Variants in STXBP6 observed in about 807,000 individuals in gnomAD.
STXBP6 encodes the protein syntaxin binding protein 6.
In STXBP6, 21 loss-of-function variants were observed where a neutral mutation model predicts 26.9. The ratio of observed to expected loss-of-function variants is 0.78; its 90% CI spans 0.55 to 1.12. The LOEUF is 1.12. STXBP6 is among the 50% of genes most tolerant of loss of function. The probability of loss-of-function intolerance (pLI) is 0.00; values close to 1 mark genes in which losing one functional copy is unlikely to be tolerated. For synonymous variants in STXBP6, 97 were observed against 92.6 expected, an observed-to-expected ratio of 1.05 and a Z score of -0.27; for missense variants, 232 against 257.9, an observed-to-expected ratio of 0.90 and a Z score of 0.69.
At chr14:24,987,812 A>C (rs1046061967) in intron 1 of STXBP6, 21 of 984,764 alleles carry the variant, frequency 2.1e-5, no homozygotes, top group Non-Finnish European at 2.5e-5. Context: ...GTGTGAACAT[A>C]TTCTTAAAAA....
At position 24,818,973 on chromosome 14, in the gene STXBP6, G is replaced by A. The variant is rs928038955; in HGVS notation, c.609+64C>T. On this transcript the variant is annotated intron_variant, in intron 5 of 5. Transcript: ENST00000323944. ...CATCACAGGAAAATACTGAAATAAA[G>A]TTTCTTGGCACTGTAGCTCCCCAAC... The A allele has an allele frequency of 2.7e-5, 40 of 1,498,274 alleles. 1 individual carries two copies. Among genetic ancestry groups the A allele is most frequent in the Non-Finnish European group, 2.9e-5 (33 of 1,122,000 alleles). The allele number at this position is 1,498,274 out of a possible 1,614,324, so 92.8% of individuals were successfully genotyped here.
At chr14:24,908,286 C>T (rs1232618144) in intron 2 of STXBP6, among the ~76,000 whole-genome samples, 1 of 152,224 alleles carries the variant, frequency 6.6e-6, no homozygotes, top group Non-Finnish European at 1.5e-5. Context: ...CTGAATACAA[C>T]ACTGGTCCCC....
At chr14:25,043,379 ATTT>A (rs766073366) in intron 1 of STXBP6, among the ~76,000 whole-genome samples, 3 of 151,728 alleles carry the variant, frequency 2.0e-5, no homozygotes, top group African/African-American at 2.4e-5. Flanking sequence ...TTGTCTCATC[ATTT>A]TTTTTTAAAA....
chr14:25,022,862 T>C (rs2075284382), intron 1 of STXBP6, among the ~76,000 whole-genome samples: 2 of 152,164 alleles, frequency 1.3e-5, no homozygotes, highest in Non-Finnish European at 2.9e-5. Flanking sequence ...CAAACTCATC[T>C]CCAATTCAAT....
intron 2 of STXBP6, among the ~76,000 whole-genome samples, chr14:24,901,627 A>G (rs1301725382): frequency 2.0e-5 from 3 of 152,202 alleles, no homozygotes; most frequent in African/African-American, 7.2e-5. Flanking sequence ...AATGTACATC[A>G]ACAAGAGGAT....
intron 2 of STXBP6, among the ~76,000 whole-genome samples, chr14:24,925,952 T>G (rs1392233726): frequency 6.6e-6 from 1 of 152,148 alleles, no homozygotes; most frequent in Non-Finnish European, 1.5e-5. Flanking sequence ...GAAAATACAT[T>G]CCCTTTCCTA....
chr14:24,990,929 A>G (rs992465200), intron 1 of STXBP6, among the ~76,000 whole-genome samples: 8 of 151,246 alleles, frequency 5.3e-5, no homozygotes, highest in Non-Finnish European at 1.0e-4. Context: ...GATGGAGGAG[A>G]GAGCAGAGGA....
At chr14:25,019,762 T>C (rs1039719659) in intron 1 of STXBP6, among the ~76,000 whole-genome samples, 3 of 152,148 alleles carry the variant, frequency 2.0e-5, no homozygotes, top group Non-Finnish European at 4.4e-5. Flanking sequence ...TTTTTTAGAT[T>C]ATAGATTTCT....
At chr14:24,871,765 C>T (rs1478993245) in intron 2 of STXBP6, among the ~76,000 whole-genome samples, 1 of 152,196 alleles carries the variant, frequency 6.6e-6, no homozygotes, top group African/African-American at 2.4e-5. Context: ...AACTCAGGAA[C>T]TCTGATGTCT....
intron 2 of STXBP6, among the ~76,000 whole-genome samples, chr14:24,945,005 T>C (rs2072931668): frequency 6.6e-6 from 1 of 151,998 alleles, no homozygotes; most frequent in Non-Finnish European, 1.5e-5. Flanking sequence ...CCAAGGCTTT[T>C]AATTCAACAA....
Position 24,913,951 on chromosome 14 carries a change from C to T in STXBP6, c.155-56794G>A, listed in dbSNP as rs187028545. ...GGCCTTTCCCTTTCATCTCCTGAGC[C>T]TTGTTTTAGATGTCAATGTGTCATT... On this transcript the variant is annotated intron_variant, in intron 2 of 5. Coordinates refer to ENST00000323944, the MANE Select transcript of STXBP6 (RefSeq NM_001394410.1). Among the ~76,000 whole-genome samples, 932 of 152,260 alleles carry T rather than the reference C, an allele frequency of 6.1e-3. 6 individuals carry two copies. Among genetic ancestry groups the T allele is most frequent in the African/African-American group, 0.021 (886 of 41,534 alleles).
chr14:24,896,726 T>C (rs865984553), intron 2 of STXBP6, among the ~76,000 whole-genome samples: 1 of 152,104 alleles, frequency 6.6e-6, no homozygotes, highest in Non-Finnish European at 1.5e-5. Flanking sequence ...CCTCTCAGAC[T>C]GGGAACTTGG....
intron 4 of STXBP6, among the ~76,000 whole-genome samples, chr14:24,823,633 C>G (rs1566381326): frequency 1.3e-5 from 2 of 152,150 alleles, no homozygotes; most frequent in Non-Finnish European, 2.9e-5. Flanking sequence ...CATCTATACT[C>G]AGTGCTGAGT....
intron 2 of STXBP6, among the ~76,000 whole-genome samples, chr14:24,937,840 A>G (rs2072658137): frequency 1.3e-5 from 2 of 152,246 alleles, no homozygotes; most frequent in South Asian, 4.1e-4. Context: ...ATTTAAAAAA[A>G]AAATTACCTG....
chr14:25,045,867 C>G (rs1311047805), intron 1 of STXBP6, among the ~76,000 whole-genome samples: 2 of 152,100 alleles, frequency 1.3e-5, no homozygotes, highest in Non-Finnish European at 2.9e-5. Flanking sequence ...CTCAGCCTCC[C>G]AAAGCGCTGG....
At chr14:24,864,545 T>C (rs1368938759) in intron 2 of STXBP6, among the ~76,000 whole-genome samples, 3 of 151,906 alleles carry the variant, frequency 2.0e-5, no homozygotes, top group Admixed American at 1.3e-4. Flanking sequence ...TTTCAAAACA[T>C]AGATTAGGTC....
At chr14:24,926,886 T>C (rs557029189) in intron 2 of STXBP6, among the ~76,000 whole-genome samples, 1 of 152,192 alleles carries the variant, frequency 6.6e-6, no homozygotes, top group Admixed American at 6.5e-5. Context: ...ACACTTAGAA[T>C]TATACCTCGA....
intron 1 of STXBP6, among the ~76,000 whole-genome samples, chr14:25,019,613 A>G (rs1452007896): frequency 3.3e-5 from 5 of 152,210 alleles, no homozygotes; most frequent in Non-Finnish European, 7.3e-5. Flanking sequence ...AGATATCTTG[A>G]GTGCTGAGGG....
At chr14:24,910,293 T>C (rs2071526027) in intron 2 of STXBP6, among the ~76,000 whole-genome samples, 1 of 152,250 alleles carries the variant, frequency 6.6e-6, no homozygotes, top group South Asian at 2.1e-4. Context: ...TGTTGTTTTA[T>C]AGTTAGTTAA....
Sources: gnomAD v4.1 joint callset for allele counts (sites outside exome capture counted in the v4.1 genomes callset) on GRCh38, gnomAD v4.1.1 for gene constraint, MANE v1.5 for transcripts, NCBI Gene and HGNC (gene_info 2026-07-23, HGNC 2026-07-21) for gene names.